Variants in ABCB11 observed in about 807,000 individuals in gnomAD.
ABCB11 encodes bile salt export pump.
Under a neutral mutation model 148.0 loss-of-function variants are expected in ABCB11, and 95 were observed. The ratio of observed to expected loss-of-function variants is 0.64; its 90% CI spans 0.54 to 0.76. The LOEUF (loss-of-function observed/expected upper bound fraction) is 0.76. ABCB11 is among the 30% of genes least tolerant of loss of function. ABCB11 has a pLI of 0.00. For synonymous variants in ABCB11, 591 were observed against 555.4 expected (o/e 1.06, Z -0.90); for missense variants, 1,523 against 1,617.8 (o/e 0.94, Z 1.01).
intron 13 of ABCB11, 48 bp downstream of exon 13, chr2:168,973,667 T>G: frequency 6.2e-7 from 1 of 1,600,588 alleles, no homozygotes; most frequent in Non-Finnish European, 8.5e-7. Context: ...TACTGCCATT[T>G]GCACTTTACT....
chr2:168,931,501 G>A (rs553695929), intron 24 of ABCB11, among the ~76,000 whole-genome samples: 1 of 152,272 alleles, frequency 6.6e-6, no homozygotes, highest in Admixed American at 6.5e-5. Flanking sequence ...TTCAAAAATA[G>A]GTAGAGAAGA....
In ABCB11 at chr2:168,957,982, TA is replaced by T. The variant is rs1692870109; in HGVS notation, c.2324del (p.Leu775TyrfsTer29). 1 of 1,584,490 alleles carries T rather than the reference TA, an allele frequency of 6.3e-7. No homozygotes were observed. Among genetic ancestry groups the T allele is most frequent in the Non-Finnish European group, 8.6e-7 (1 of 1,157,448 alleles). On this transcript the variant is annotated frameshift_variant, in exon 19 of 28. Transcript: ENST00000650372. LOFTEE classifies it high-confidence loss of function. Reference protein sequence around the residue: ...NGTVTPLYAFLFSQILGTFSI... With the variant: ...NGTVTPLYAFXFSQILGTFSI... Reference sequence around the variant, plus strand: ...TACTTACCCCAAGAATCTGGCTGAATAAAAAGGCATACAAGGGTGTGACTGT... The same window carrying T: ...TACTTACCCCAAGAATCTGGCTGAATAAAAGGCATACAAGGGTGTGACTGT...
intron 12 of ABCB11, 150 bp downstream of exon 12, chr2:168,976,427 A>T: frequency 4.0e-6 from 2 of 501,962 alleles, no homozygotes. Flanking sequence ...GAGATAAGCC[A>T]ACACCCGAGG....
At chr2:169,010,806 C>T (rs1023826520) in intron 5 of ABCB11, among the ~76,000 whole-genome samples, 12 of 151,374 alleles carry the variant, frequency 7.9e-5, no homozygotes, top group Admixed American at 3.3e-4. Flanking sequence ...CAATAACTCA[C>T]GATGACAGTA....
chr2:168,938,575 G>A (rs551127137), intron 21 of ABCB11, among the ~76,000 whole-genome samples: 3 of 152,084 alleles, frequency 2.0e-5, no homozygotes, highest in East Asian at 3.9e-4. Context: ...TCTTTGGAAC[G>A]GTAAAACATT....
At chr2:169,017,058 C>T (rs1170197771) in intron 2 of ABCB11, among the ~76,000 whole-genome samples, 1 of 150,042 alleles carries the variant, frequency 6.7e-6, no homozygotes, top group African/African-American at 2.5e-5. Flanking sequence ...AGTGCTGCTA[C>T]CTTTACTCAT....
rs1060499579 is a variant in ABCB11, at chr2:168,944,925, G to A, written c.2380C>T (p.Gln794Ter). Reference sequence around the variant, plus strand: ...AAAAGTAGGCACACACCATTGATCTGTGACCTTTGTTCCTCTTTATCAGGA... The same window carrying A: ...AAAAGTAGGCACACACCATTGATCTATGACCTTTGTTCCTCTTTATCAGGA... ...SIPDKEEQRS[Q>*]INGVCLLFVA... The change falls in exon 20 of 28, where the codon CAG becomes TAG. Residue 794 changes from glutamine to a stop codon, truncating the protein, a stop_gained. Transcript: ENST00000650372. LOFTEE classifies it high-confidence loss of function. 3 of 1,568,130 alleles carry A rather than the reference G, an allele frequency of 1.9e-6. No homozygotes were observed. Among genetic ancestry groups the A allele is most frequent in the East Asian group, 2.3e-5 (1 of 42,598 alleles).
At chr2:168,925,144 T>C (rs1691247859) in intron 26 of ABCB11, among the ~76,000 whole-genome samples, 1 of 152,238 alleles carries the variant, frequency 6.6e-6, no homozygotes, top group Admixed American at 6.5e-5. Flanking sequence ...GATTCTTATC[T>C]GGAAAAATCC....
chr2:168,954,876 T>C (rs549822569), intron 19 of ABCB11, among the ~76,000 whole-genome samples: 10 of 151,856 alleles, frequency 6.6e-5, no homozygotes, highest in Admixed American at 1.3e-4. Flanking sequence ...GTTCAGTTGC[T>C]TTATTTAGTC....
chr2:168,968,447 C>T lies in ABCB11; in HGVS notation c.2055G>A (p.Gly685=), dbSNP rs781760383. Residue 685 remains glycine, a synonymous_variant, in exon 17 of 28, where the codon GGG becomes GGA. Transcript: ENST00000650372. The part of the protein sequence containing the change: ...DDMLARTFSR[G]SYQDSLRASI... ...CTTACCTTAAACTATCCTGGTAGCT[C>T]CCTCTGCTAAAGGTCCTCGCAAGCA... The T allele has an allele frequency of 2.5e-6, 4 of 1,611,048 alleles. No homozygotes were observed. Among genetic ancestry groups the T allele is most frequent in the East Asian group, 4.5e-5 (2 of 44,628 alleles).
chr2:169,004,396 A>G (rs919589213), intron 5 of ABCB11, among the ~76,000 whole-genome samples: 7 of 152,040 alleles, frequency 4.6e-5, no homozygotes, highest in Non-Finnish European at 7.4e-5. Flanking sequence ...TCTTTGATGG[A>G]TTAATTTGAA....
At chr2:168,941,976 G>A (rs900925335) in intron 21 of ABCB11, among the ~76,000 whole-genome samples, 1 of 151,808 alleles carries the variant, frequency 6.6e-6, no homozygotes, top group Non-Finnish European at 1.5e-5. Context: ...TCTTTATTGC[G>A]GTGGTCTGAA....
chr2:169,024,419 T>C (rs187354140), intron 1 of ABCB11, among the ~76,000 whole-genome samples: 3 of 152,188 alleles, frequency 2.0e-5, no homozygotes, highest in African/African-American at 7.2e-5. Context: ...GAATCTCTTT[T>C]AATTAAACAA....
chr2:168,956,468 C>T (rs935491083), intron 19 of ABCB11, among the ~76,000 whole-genome samples: 13 of 151,506 alleles, frequency 8.6e-5, no homozygotes, highest in Non-Finnish European at 1.3e-4. Flanking sequence ...TTTGAATTTG[C>T]TTTTGTAGGG....
At chr2:169,019,891 A>G (rs1695486893) in intron 1 of ABCB11, among the ~76,000 whole-genome samples, 1 of 152,220 alleles carries the variant, frequency 6.6e-6, no homozygotes, top group Admixed American at 6.5e-5. Flanking sequence ...GCATCTTTAC[A>G]GACATTCAAA....
At position 168,976,688 on chromosome 2, in the gene ABCB11, C is replaced by G. The variant is rs1171005948; in HGVS notation, c.1198-1G>C. 2 of 1,596,102 alleles carry G rather than the reference C, an allele frequency of 1.3e-6. No homozygotes were observed. The highest frequency in any genetic ancestry group is 1.7e-5 in the Admixed American group (1 of 59,782). Reference sequence around the variant, plus strand: ...CTGACATGCAGTCAATGATGGGTTTCTGGAGTGAAATACAAAAGGGACACA... The same window carrying G: ...CTGACATGCAGTCAATGATGGGTTTGTGGAGTGAAATACAAAAGGGACACA... On this transcript the variant is annotated splice_acceptor_variant, in intron 11 of 27. Transcript: ENST00000650372. LOFTEE classifies it high-confidence loss of function.
chr2:168,999,154 T>C (rs1031078125), intron 5 of ABCB11, among the ~76,000 whole-genome samples: 6 of 151,932 alleles, frequency 3.9e-5, no homozygotes, highest in Non-Finnish European at 5.9e-5. Flanking sequence ...ATTTGTTGAA[T>C]AGCAAAGAAG....
intron 10 of ABCB11, among the ~76,000 whole-genome samples, chr2:168,984,526 T>C (rs1694249272): frequency 1.3e-5 from 2 of 152,162 alleles, no homozygotes; most frequent in African/African-American, 4.8e-5. Flanking sequence ...ACCTGTTCAG[T>C]TAAGGCTGTT....
At chr2:168,963,414 C>T (rs1213934951) in intron 18 of ABCB11, among the ~76,000 whole-genome samples, 5 of 151,450 alleles carry the variant, frequency 3.3e-5, no homozygotes, top group South Asian at 4.2e-4. Flanking sequence ...AATTTTCTAA[C>T]GAAGGGTGGT....
Sources: allele counts gnomAD v4.1 joint callset (sites outside exome capture counted in the v4.1 genomes callset), GRCh38; gene constraint gnomAD v4.1.1; transcripts MANE v1.5; gene names NCBI Gene and HGNC (gene_info 2026-07-23, HGNC 2026-07-21).